WWP2: variants seen among roughly 807,000 people sequenced by gnomAD.
WWP2 encodes NEDD4-like E3 ubiquitin-protein ligase WWP2.
Under a neutral mutation model 121.0 loss-of-function variants are expected in WWP2, and 57 were observed. The ratio of observed to expected loss-of-function variants is 0.47; its 90% CI spans 0.38 to 0.59. The LOEUF is 0.59. Ranked by LOEUF, WWP2 falls within the 20% of genes least tolerant of loss-of-function variation. The probability of loss-of-function intolerance (pLI) is 0.00; values close to 1 mark genes in which losing one functional copy is unlikely to be tolerated. For synonymous variants in WWP2, 449 were observed against 441.3 expected (o/e 1.02, Z -0.22); for missense variants, 962 against 1,158.9 (o/e 0.83, Z 2.47).
chr16:69,817,291 C>G (rs1322360989), intron 4 of WWP2, among the ~76,000 whole-genome samples: 1 of 152,178 alleles, frequency 6.6e-6, no homozygotes, highest in Non-Finnish European at 1.5e-5. Context: ...TGCTGTCACC[C>G]AAGCTGGAGT....
intron 1 of WWP2, chr16:69,786,144 T>C (rs2151793732): frequency 6.6e-6 from 1 of 151,034 alleles, no homozygotes; most frequent in East Asian, 1.9e-4. Flanking sequence ...TGTCTTTTTT[T>C]TTTTTTTCTT....
At chr16:69,776,301 A>G (rs1355981266) in intron 1 of WWP2, 1 of 152,176 alleles carries the variant, frequency 6.6e-6, no homozygotes, top group Non-Finnish European at 1.5e-5. Flanking sequence ...CTCTGGGCCT[A>G]TTTCACTATG....
chr16:69,924,874 G>A, intron 10 of WWP2: 1 of 966,010 alleles, frequency 1.0e-6, no homozygotes. Context: ...CACCCAGATG[G>A]GAGGTTGGGG....
chr16:69,935,716 G>C lies in WWP2; in HGVS notation c.1843-137G>C. 4.5e-6 allele frequency: 6 copies of C among 1,320,258 alleles called. No homozygotes were observed. The highest frequency in any genetic ancestry group is 6.2e-6 in the Non-Finnish European group (6 of 965,038). 81.8% of individuals were successfully genotyped at this position (1,320,258 alleles called of 1,614,324 possible). Reference sequence around the variant, plus strand: ...CTCCTGAGGCCCTCCCGCTGCGTCCGAGGCAGCTGCTGCTGTAGTTCTGTC... The same window carrying C: ...CTCCTGAGGCCCTCCCGCTGCGTCCCAGGCAGCTGCTGCTGTAGTTCTGTC... On this transcript the variant is annotated intron_variant, in intron 17 of 23. Transcript: ENST00000359154. This position sits in a 1 kb window ranked among gnomAD's most constrained non-coding sequence, Gnocchi z 5.2.
At chr16:69,936,572 C>T in intron 19 of WWP2, 120 bp downstream of exon 19, 2 of 1,428,886 alleles carry the variant, frequency 1.4e-6, no homozygotes, top group Non-Finnish European at 1.9e-6. Flanking sequence ...TTGCATTTGC[C>T]TTGATGGTGG....
In WWP2 at chr16:69,901,648, G is replaced by A. The variant is rs141803999; in HGVS notation, c.915-7113G>A. ...TTTTCTAATGGAGAGAGTGGATTTTGATTGAGTTAGCTTTACTAATAATGC... is the reference window on the plus strand; with the variant it reads ...TTTTCTAATGGAGAGAGTGGATTTTAATTGAGTTAGCTTTACTAATAATGC... On this transcript the variant is annotated intron_variant, in intron 8 of 23. Coordinates refer to ENST00000359154, the MANE Select transcript of WWP2 (RefSeq NM_001270454.2). Among the ~76,000 whole-genome samples the A allele has an allele frequency of 1.5e-3, 226 of 152,248 alleles. 2 individuals are homozygous for A. The highest frequency in any genetic ancestry group is 4.9e-3 in the African/African-American group (204 of 41,540).
At chr16:69,838,159 A>C (rs1234320066) in intron 4 of WWP2, among the ~76,000 whole-genome samples, 1 of 152,166 alleles carries the variant, frequency 6.6e-6, no homozygotes, top group East Asian at 1.9e-4. Context: ...GTCAACAGGG[A>C]GATGATAAAA....
intron 8 of WWP2, among the ~76,000 whole-genome samples, chr16:69,902,481 T>C (rs1481884941): frequency 1.1e-4 from 16 of 152,184 alleles, no homozygotes; most frequent in Non-Finnish European, 4.4e-5. Context: ...CAACCAAATG[T>C]TACTCATTGA....
At chr16:69,885,635 G>A (rs1433487730) in intron 7 of WWP2, among the ~76,000 whole-genome samples, 2 of 152,212 alleles carry the variant, frequency 1.3e-5, no homozygotes, top group Admixed American at 6.5e-5. Flanking sequence ...GATGTGCAGA[G>A]AGGGAGAAGT....
chr16:69,826,956 G>GAAA (rs1378566501), intron 4 of WWP2, among the ~76,000 whole-genome samples: 8 of 17,306 alleles, frequency 4.6e-4, no homozygotes, highest in Non-Finnish European at 2.0e-3. Flanking sequence ...AAAAAAAAAG[G>GAAA]GGGGGGGGCG....
chr16:69,838,864 C>T, intron 4 of WWP2: 4 of 985,270 alleles, frequency 4.1e-6, no homozygotes, highest in Non-Finnish European at 4.8e-6. Flanking sequence ...AGGTAGAGCG[C>T]TTAGGAGAGC....
intron 6 of WWP2, 83 bp from the exon 7 acceptor site, chr16:69,871,721 G>T: frequency 6.4e-7 from 1 of 1,563,178 alleles, no homozygotes. Flanking sequence ...GCAGGAGAAG[G>T]GAATATGATG....
chr16:69,916,181 TG>T (rs1473329562), intron 9 of WWP2, among the ~76,000 whole-genome samples: 1 of 152,030 alleles, frequency 6.6e-6, no homozygotes, highest in African/African-American at 2.4e-5. Flanking sequence ...GGGGAGTCAA[TG>T]GAAGTGTTGT....
intron 8 of WWP2, among the ~76,000 whole-genome samples, chr16:69,900,350 G>T (rs868610712): frequency 6.6e-6 from 1 of 152,148 alleles, no homozygotes; most frequent in African/African-American, 2.4e-5. Context: ...TTTAGAGGCT[G>T]GGTGCAGTGG....
intron 9 of WWP2, chr16:69,909,679 C>G: frequency 3.0e-6 from 3 of 985,086 alleles, no homozygotes; most frequent in Non-Finnish European, 3.6e-6. Flanking sequence ...ATGAAGTTAC[C>G]AAAGTTAAAC....
chr16:69,806,088 C>T (rs919814429), intron 4 of WWP2, among the ~76,000 whole-genome samples: 2 of 152,010 alleles, frequency 1.3e-5, no homozygotes, highest in African/African-American at 2.4e-5. Flanking sequence ...GTAGTCCCAC[C>T]TACTTGGGTG....
chr16:69,890,497 A>C (rs1276621284), intron 8 of WWP2, among the ~76,000 whole-genome samples: 1 of 152,188 alleles, frequency 6.6e-6, no homozygotes, highest in Non-Finnish European at 1.5e-5. Context: ...GAATACTCGA[A>C]AGACCTTTGT....
chr16:69,939,322 G>A lies in WWP2; in HGVS notation c.2441-19G>A. 1 of 1,614,158 alleles carries A rather than the reference G, an allele frequency of 6.2e-7. No homozygotes were observed. The highest frequency in any genetic ancestry group is 8.5e-7 in the Non-Finnish European group (1 of 1,180,010). On this transcript the variant is annotated intron_variant, in intron 22 of 23. Coordinates refer to ENST00000359154, the MANE Select transcript of WWP2 (RefSeq NM_001270454.2). ...GGGACGTCTCTGCTGACGTCGGCGT[G>A]TTTTACCTTGGATCACAGGTAGCAA...
At position 69,930,100 on chromosome 16, in the gene WWP2, C is replaced by G. The variant is rs192860069; in HGVS notation, c.1317-30C>G. On this transcript the variant is annotated intron_variant, in intron 12 of 23. Coordinates refer to ENST00000359154, the MANE Select transcript of WWP2 (RefSeq NM_001270454.2). ...ACCAAGGTCCAGAAGGTGGGGCCAG[C>G]CCTTCACCCTTTTCTTCCCGTGTTT... The G allele has an allele frequency of 3.0e-3, 4,768 of 1,613,646 alleles. 13 individuals are homozygous for G. The highest frequency in any genetic ancestry group is 3.6e-3 in the Non-Finnish European group (4,277 of 1,179,756).
Sources: allele counts gnomAD v4.1 joint callset (sites outside exome capture counted in the v4.1 genomes callset), GRCh38; gene constraint gnomAD v4.1.1; non-coding constraint Gnocchi (gnomAD v3.1); transcripts MANE v1.5; gene names NCBI Gene and HGNC (gene_info 2026-07-23, HGNC 2026-07-21).